FARP2: variants seen among roughly 807,000 people sequenced by gnomAD.
The protein encoded by FARP2 is FERM, ARHGEF and pleckstrin domain-containing protein 2.
Under a neutral mutation model 130.5 loss-of-function variants are expected in FARP2, and 111 were observed. The ratio of observed to expected loss-of-function variants is 0.85; its 90% CI spans 0.73 to 1.00. FARP2 has a LOEUF of 1.00. Ranked by LOEUF, FARP2 falls within the 50% of genes least tolerant of loss-of-function variation. FARP2 has a pLI of 0.00. For synonymous variants in FARP2, 504 were observed against 516.9 expected, an observed-to-expected ratio of 0.98 and a Z score of 0.34; for missense variants, 1,385 against 1,346.3, an observed-to-expected ratio of 1.03 and a Z score of -0.45.
chr2:241,489,913 G>A (rs1056416863), intron 21 of FARP2, 49 bp from the exon 22 acceptor site: 9 of 1,316,262 alleles, frequency 6.8e-6, no homozygotes, highest in Non-Finnish European at 8.8e-6. Flanking sequence ...GGCTTAGGCT[G>A]TCAGTTCCTT....
At chr2:241,465,638 C>T in intron 17 of FARP2, 4 of 1,550,816 alleles carry the variant, frequency 2.6e-6, no homozygotes, top group Middle Eastern at 1.7e-4. Flanking sequence ...CTCACTCTTG[C>T]TTAACGTGCC....
chr2:241,365,407 C>A (rs1214964282), intron 1 of FARP2, among the ~76,000 whole-genome samples: 1 of 152,122 alleles, frequency 6.6e-6, no homozygotes, highest in Non-Finnish European at 1.5e-5. Flanking sequence ...ACCCACAATA[C>A]CACTAAAACA....
chr2:241,489,829 C>G (rs1011739120), intron 21 of FARP2, 133 bp from the exon 22 acceptor site: 2 of 630,960 alleles, frequency 3.2e-6, no homozygotes, highest in Non-Finnish European at 5.8e-6. Flanking sequence ...CTTGTAGAGT[C>G]TGTGTGCACT....
intron 19 of FARP2, chr2:241,478,525 G>A: frequency 2.5e-6 from 1 of 398,984 alleles, no homozygotes; most frequent in Non-Finnish European, 5.2e-6. Context: ...CCTTGTATCA[G>A]GCTAACCCCG....
In FARP2 at chr2:241,491,583, G is replaced by C; in HGVS notation, c.2691G>C (p.Leu897=). The C allele has an allele frequency of 6.2e-7, 1 of 1,613,890 alleles. No individual in the cohort carries two copies. Among genetic ancestry groups the C allele is most frequent in the Non-Finnish European group, 8.5e-7 (1 of 1,180,006 alleles). ...ATGCTCGGGGTGTCCGCAGCTCCCTGGAGGGGCATGGCCAGCACCGGGCCA... is the reference window on the plus strand; with the variant it reads ...ATGCTCGGGGTGTCCGCAGCTCCCTCGAGGGGCATGGCCAGCACCGGGCCA... The part of the protein sequence containing the change: ...EDDARGVRSS[L]EGHGQHRANT... The change falls in exon 24 of 27, where the codon CTG becomes CTC. Residue 897 remains leucine, a synonymous_variant. Transcript: ENST00000264042.
intron 13 of FARP2, among the ~76,000 whole-genome samples, chr2:241,448,717 C>T (rs773876032): frequency 2.0e-5 from 3 of 152,202 alleles, no homozygotes; most frequent in African/African-American, 4.8e-5. Flanking sequence ...GTTTATTTAG[C>T]GCAAAACAGG....
chr2:241,437,652 T>A (rs142236793), intron 12 of FARP2, among the ~76,000 whole-genome samples: 2,560 of 140,190 alleles, frequency 0.018, 145 homozygotes, highest in Admixed American at 0.11. Context: ...ATATATATAT[T>A]TATTTATTTA....
At chr2:241,361,374 CT>C (rs368036515) in intron 1 of FARP2, among the ~76,000 whole-genome samples, 4 of 152,318 alleles carry the variant, frequency 2.6e-5, no homozygotes, top group African/African-American at 9.6e-5. Context: ...GTAGAAGTAA[CT>C]GTAAACAGCA....
intron 2 of FARP2, among the ~76,000 whole-genome samples, chr2:241,383,428 G>A (rs1307055140): frequency 2.0e-5 from 3 of 152,208 alleles, no homozygotes; most frequent in African/African-American, 7.2e-5. Context: ...TGTTCAGGTG[G>A]ATGGAACAGC....
intron 10 of FARP2, 103 bp from the exon 11 acceptor site, chr2:241,434,859 T>A (rs1351343907): frequency 2.6e-6 from 2 of 759,162 alleles, no homozygotes; most frequent in African/African-American, 3.6e-5. Context: ...TATGTGTGTA[T>A]ATTTATGAGA....
At chr2:241,410,175 T>TC (rs2150360314) in intron 5 of FARP2, among the ~76,000 whole-genome samples, 1 of 152,346 alleles carries the variant, frequency 6.6e-6, no homozygotes, top group South Asian at 2.1e-4. Flanking sequence ...CATTACATTC[T>TC]CACTAATGGT....
chr2:241,463,514 A>G (rs1196782752), intron 16 of FARP2, 46 bp downstream of exon 16: 1 of 1,588,878 alleles, frequency 6.3e-7, no homozygotes, highest in African/African-American at 1.3e-5. Context: ...ACACCAACTC[A>G]TCATCACCGC....
intron 11 of FARP2, among the ~76,000 whole-genome samples, chr2:241,435,290 G>C (rs2063198691): frequency 6.9e-6 from 1 of 145,542 alleles, no homozygotes; most frequent in African/African-American, 2.5e-5. Context: ...TTTTTCTGTA[G>C]AGACAAGGTC....
At chr2:241,460,890 A>G (rs1183266651) in intron 14 of FARP2, among the ~76,000 whole-genome samples, 1 of 152,130 alleles carries the variant, frequency 6.6e-6, no homozygotes, top group African/African-American at 2.4e-5. Context: ...GAGGCACAGC[A>G]CCTGGGCACT....
Position 241,459,443 on chromosome 2 carries a change from C to G in FARP2, c.1587+2521C>G, listed in dbSNP as rs2063953196. ...GGGCTGTGCGGGGAGGGGCAAAGAG[C>G]TGCCCACCCTCCAGCCCACCCTCGC... On this transcript the variant is annotated intron_variant, in intron 14 of 26. Coordinates refer to ENST00000264042, the MANE Select transcript of FARP2 (RefSeq NM_014808.4). The surrounding 1 kb of genome is among the most constrained non-coding windows in gnomAD (Gnocchi z 5.3). Among the ~76,000 whole-genome samples, 1 of 152,202 alleles carries G rather than the reference C, an allele frequency of 6.6e-6. No homozygotes were observed. The highest frequency in any genetic ancestry group is 1.5e-5 in the Non-Finnish European group (1 of 68,020).
intron 13 of FARP2, among the ~76,000 whole-genome samples, chr2:241,451,703 CAT>C (rs1278681968): frequency 2.0e-5 from 3 of 152,164 alleles, no homozygotes; most frequent in Non-Finnish European, 2.9e-5. Context: ...TAAAGCTAAA[CAT>C]ATTCTGTGGC....
intron 8 of FARP2, among the ~76,000 whole-genome samples, chr2:241,429,198 A>G (rs1041870639): frequency 1.3e-5 from 2 of 152,224 alleles, no homozygotes; most frequent in African/African-American, 2.4e-5. Context: ...AACAGCACAG[A>G]AAGGTCCTGC....
chr2:241,408,817 T>C (rs2062433906), intron 5 of FARP2, among the ~76,000 whole-genome samples: 1 of 152,174 alleles, frequency 6.6e-6, no homozygotes, highest in South Asian at 2.1e-4. Context: ...CTGCATATCA[T>C]TTTAGCAACA....
At chr2:241,491,729 T>C in intron 24 of FARP2, 50 bp downstream of exon 24, 1 of 1,528,218 alleles carries the variant, frequency 6.5e-7, no homozygotes, top group Non-Finnish European at 8.8e-7. Flanking sequence ...TTCCCAGCTG[T>C]CTCTGCACTT....
Sources: allele counts gnomAD v4.1 joint callset (sites outside exome capture counted in the v4.1 genomes callset), GRCh38; gene constraint gnomAD v4.1.1; non-coding constraint Gnocchi (gnomAD v3.1); transcripts MANE v1.5; gene names NCBI Gene and HGNC (gene_info 2026-07-23, HGNC 2026-07-21).